Variants in TRIM2 observed in about 807,000 individuals in gnomAD.
TRIM2 encodes tripartite motif-containing protein 2.
Under a neutral mutation model 75.2 loss-of-function variants are expected in TRIM2, and 20 were observed. The ratio of observed to expected loss-of-function variants is 0.27; its 90% CI spans 0.19 to 0.39. The LOEUF is 0.39. Ranked by LOEUF, TRIM2 falls within the 10% of genes least tolerant of loss-of-function variation. TRIM2 has a pLI of 1.00. For missense variants in TRIM2, 660 were observed against 990.8 expected (o/e 0.67, Z 4.48); for synonymous variants, 373 against 388.3 (o/e 0.96, Z 0.46).
intron 1 of TRIM2, among the ~76,000 whole-genome samples, chr4:153,210,541 T>C (rs1736703467): frequency 1.3e-5 from 2 of 152,218 alleles, no homozygotes; most frequent in Admixed American, 1.3e-4. Context: ...CAAATCCTTT[T>C]AATAGCTCAC....
At chr4:153,162,176 A>T (rs1006377765) in intron 1 of TRIM2, among the ~76,000 whole-genome samples, 1 of 152,194 alleles carries the variant, frequency 6.6e-6, no homozygotes, top group Non-Finnish European at 1.5e-5. Context: ...ACTTGTTTGG[A>T]TTGAGTGTAT....
At chr4:153,217,615 C>A (rs951015412) in intron 1 of TRIM2, among the ~76,000 whole-genome samples, 1 of 152,204 alleles carries the variant, frequency 6.6e-6, no homozygotes, top group African/African-American at 2.4e-5. Flanking sequence ...CTCAGTAATT[C>A]TCACACCACC....
chr4:153,293,106 A>G lies in TRIM2; in HGVS notation c.578A>G (p.Gln193Arg). ...DVVEQHKASL[Q>R]VQLDAVNKRL... ...GTGGAACAGCACAAGGCCTCGCTCC[A>G]GGTCCAGCTGGATGCTGTCAACAAA... The change falls in exon 4 of 12, where the codon CAG (glutamine) becomes CGG (arginine). Residue 193 changes from glutamine to arginine, a missense_variant. By Grantham distance (43) the Gln-to-Arg change is conservative (BLOSUM62 1). This residue lies in a region of TRIM2 where 620 missense variants were observed against 891.0 expected (regional missense o/e 0.70). Coordinates refer to ENST00000338700, the MANE Select transcript of TRIM2 (RefSeq NM_015271.5). The G allele has an allele frequency of 6.2e-7, 1 of 1,610,522 alleles. No homozygotes were observed. The highest frequency in any genetic ancestry group is 1.1e-5 in the South Asian group (1 of 90,820).
chr4:153,251,048 A>C (rs1049428263), intron 1 of TRIM2, among the ~76,000 whole-genome samples: 3 of 152,222 alleles, frequency 2.0e-5, no homozygotes, highest in African/African-American at 7.2e-5. Flanking sequence ...GCTGGTTCCC[A>C]ATTAATCTAC....
intron 1 of TRIM2, among the ~76,000 whole-genome samples, chr4:153,217,546 C>A (rs1017602432): frequency 1.3e-5 from 2 of 152,084 alleles, no homozygotes; most frequent in South Asian, 2.1e-4. Flanking sequence ...CTAAAACCAG[C>A]ACTTAAAAAA....
intron 3 of TRIM2, among the ~76,000 whole-genome samples, chr4:153,292,034 T>C (rs1293460051): frequency 6.6e-6 from 1 of 152,212 alleles, no homozygotes; most frequent in African/African-American, 2.4e-5. Context: ...AGCCAAACAG[T>C]AGCAGTTCTC....
chr4:153,306,745 T>C (rs1765091291), intron 6 of TRIM2, among the ~76,000 whole-genome samples: 1 of 152,222 alleles, frequency 6.6e-6, no homozygotes, highest in Non-Finnish European at 1.5e-5. Flanking sequence ...GCTTATTCAG[T>C]GACTTCATAT....
chr4:153,304,671 C>G (rs574791714), intron 6 of TRIM2, among the ~76,000 whole-genome samples: 2 of 152,118 alleles, frequency 1.3e-5, no homozygotes, highest in Admixed American at 1.3e-4. Flanking sequence ...AAAGTGTGGT[C>G]CATAAACCAC....
upstream of TRIM2, chr4:153,152,338 G>C (rs1579185960): frequency 6.6e-6 from 1 of 151,502 alleles, no homozygotes; most frequent in Non-Finnish European, 1.5e-5. Flanking sequence ...CGGGGCACTC[G>C]GGGCCTGGGG....
intron 1 of TRIM2, among the ~76,000 whole-genome samples, chr4:153,167,687 G>C (rs912826168): frequency 6.6e-6 from 1 of 152,096 alleles, no homozygotes; most frequent in African/African-American, 2.4e-5. Flanking sequence ...AAACTATGGG[G>C]GTGCAGTGAA....
Position 153,191,241 on chromosome 4 carries a change from G to A in TRIM2, c.-49+37971G>A, listed in dbSNP as rs369468403. On this transcript the variant is annotated intron_variant, in intron 1 of 11. Coordinates refer to the TRIM2 transcript ENST00000437508. ...TTCAAAAAGTCCAATGATGGGCTTA[G>A]TTTGAGTTGGGGCCTCCCTTGTTTT... 3.3e-5 allele frequency among the ~76,000 whole-genome samples: 5 copies of A among 152,328 alleles called. No homozygotes were observed. The South Asian group carries it at 1.0e-3, about 32-fold the overall frequency.
Position 153,194,921 on chromosome 4 carries a change from G to T in TRIM2, c.-49+41651G>T, listed in dbSNP as rs371086387. On this transcript the variant is annotated intron_variant, in intron 1 of 11. Transcript: ENST00000437508. ...GTGTGAGAAAACCTCTCCAGCCCTG[G>T]AGCAACTTCTTGGGGCTTCTAAGTG... 6.6e-5 allele frequency among the ~76,000 whole-genome samples: 10 copies of T among 152,248 alleles called. No individual in the cohort carries two copies. The East Asian group carries it at 1.9e-3, about 29-fold the overall frequency.
In TRIM2 at chr4:153,329,198, T is replaced by C. The variant is rs115930694; in HGVS notation, c.2163+528T>C. The stretch of plus-strand genomic sequence containing the variant: ...GCTAATTTTTAGAAGCACACACATA[T>C]TGCTCTATCATAATTTAGTAATATT... On this transcript the variant is annotated intron_variant, in intron 11 of 11. Transcript: ENST00000338700. Among the ~76,000 whole-genome samples the C allele has an allele frequency of 3.2e-3, 488 of 152,262 alleles. 1 individual carries two copies. The highest frequency in any genetic ancestry group is 0.011 in the African/African-American group (450 of 41,552).
At chr4:153,297,311 C>T (rs182682729) in intron 6 of TRIM2, among the ~76,000 whole-genome samples, 104 of 152,254 alleles carry the variant, frequency 6.8e-4, no homozygotes, top group African/African-American at 2.1e-3. Flanking sequence ...GCAGAGTGGA[C>T]GAGCTTGGGT....
At chr4:153,243,816 T>A (rs902729118) in intron 1 of TRIM2, among the ~76,000 whole-genome samples, 1 of 123,128 alleles carries the variant, frequency 8.1e-6, no homozygotes, top group Non-Finnish European at 1.6e-5. Flanking sequence ...CCTTTTTTTT[T>A]TTCCCCCCCC....
Position 153,301,555 on chromosome 4 carries a change from A to G in TRIM2, c.1510+5519A>G, listed in dbSNP as rs144454223. 6.4e-4 allele frequency among the ~76,000 whole-genome samples: 97 copies of G among 152,328 alleles called. No individual in the cohort carries two copies. The East Asian group carries it at 0.017, about 27-fold the overall frequency. ...GTGCTTTCACATTCATATTCAAAAA[A>G]TCGTTGCCCAGAACAGTGTCATGGA... On this transcript the variant is annotated intron_variant, in intron 6 of 11. Transcript: ENST00000338700.
intron 1 of TRIM2, among the ~76,000 whole-genome samples, chr4:153,196,268 C>A (rs568981881): frequency 2.1e-5 from 3 of 141,410 alleles, no homozygotes; most frequent in African/African-American, 3.0e-5. Context: ...CTACCACCCC[C>A]CCCCACACAC....
chr4:153,244,116 C>G lies in TRIM2; in HGVS notation c.31-26219C>G, dbSNP rs141092011. On this transcript the variant is annotated intron_variant, in intron 1 of 11. Transcript: ENST00000338700. ...ATTACACACATGAGCTACTGTGCCA[C>G]TGCCATCTTCTTCTTCTTCTTCTTC... is the stretch of plus-strand genomic sequence containing the variant. 5.3e-3 allele frequency among the ~76,000 whole-genome samples: 790 copies of G among 148,308 alleles called. 3 individuals carry two copies. Among genetic ancestry groups the G allele is most frequent in the African/African-American group, 0.019 (717 of 38,730 alleles).
chr4:153,273,303 T>TCTCG (rs1373666134), intron 2 of TRIM2, among the ~76,000 whole-genome samples: 1 of 130,042 alleles, frequency 7.7e-6, no homozygotes, highest in Non-Finnish European at 1.6e-5. Context: ...TGAGACAGAG[T>TCTCG]CTCGCTCTGC....
Sources: allele counts gnomAD v4.1 joint callset (sites outside exome capture counted in the v4.1 genomes callset), GRCh38; gene constraint gnomAD v4.1.1; regional missense constraint gnomAD v4.1.1; transcripts MANE v1.5; gene names NCBI Gene and HGNC (gene_info 2026-07-23, HGNC 2026-07-21).